The following EIF2B1 variants were observed in gnomAD, a reference collection of about 807,000 sequenced individuals.
The protein encoded by EIF2B1 is eukaryotic translation initiation factor 2B subunit alpha.
A neutral mutation model predicts 36.8 loss-of-function variants in EIF2B1; 30 were observed. That is an observed-to-expected ratio of 0.81 (90% CI 0.61 to 1.10). The LOEUF is 1.10. Among genes scored for constraint, EIF2B1 ranks in the 50% least tolerant of loss-of-function variants. The pLI is 0.00. For missense variants in EIF2B1, 271 were observed against 374.8 expected, an observed-to-expected ratio of 0.72 and a Z score of 2.29; for synonymous variants, 139 against 142.2, an observed-to-expected ratio of 0.98 and a Z score of 0.16.
chr12:123,627,696 C>CA (rs57607316), intron 4 of EIF2B1, among the ~76,000 whole-genome samples: 3,505 of 152,058 alleles, frequency 0.023, 104 homozygotes, highest in African/African-American at 0.061. Flanking sequence ...AAAATAACAA[C>CA]AAAAAAAATT....
chr12:123,626,711 T>C (rs1208041305), intron 5 of EIF2B1: 1 of 648,858 alleles, frequency 1.5e-6, no homozygotes, highest in Non-Finnish European at 2.7e-6. Flanking sequence ...GGGTAAGAGA[T>C]GTAAATTCAG....
In EIF2B1 at chr12:123,621,763, T is replaced by C; in HGVS notation, c.911A>G (p.Tyr304Cys). The change falls in exon 9 of 9, where the codon TAT (tyrosine) becomes TGT (cysteine). Residue 304 changes from tyrosine (Y) to cysteine (C), a missense_variant. Physicochemically the swap from Tyr to Cys is radical, Grantham distance 194 (BLOSUM62 -2). Coordinates refer to ENST00000424014, the MANE Select transcript of EIF2B1 (RefSeq NM_001414.4). ...CAGGAAAGGGCTCACAGGTTACAGA[T>C]AGAGCTTGATGAGCTCATCGCTGAC... ...SAVSDELIKL[Y>C]L 1.9e-6 allele frequency: 3 copies of C among 1,613,638 alleles called. No homozygotes were observed. Among genetic ancestry groups the C allele is most frequent in the South Asian group, 1.1e-5 (1 of 91,044 alleles).
At position 123,633,086 on chromosome 12, in the gene EIF2B1, C is replaced by T. The variant is rs1955213025; in HGVS notation, c.13+459G>A. On this transcript the variant is annotated intron_variant, in intron 1 of 8. Coordinates refer to ENST00000424014, the MANE Select transcript of EIF2B1 (RefSeq NM_001414.4). ...CCAGAGTCAACCATCTTGCCAATTT[C>T]TCCTGCACCCCTCCAGACAGTCTAT... Among the ~76,000 whole-genome samples the T allele has an allele frequency of 2.6e-5, 4 of 151,768 alleles. No homozygotes were observed. In the South Asian group the frequency reaches 8.3e-4, roughly 32 times the overall value.
At chr12:123,622,948 A>T (rs765066016) in intron 7 of EIF2B1, among the ~76,000 whole-genome samples, 187 bp from the exon 8 acceptor site, 15 of 152,024 alleles carry the variant, frequency 9.9e-5, no homozygotes, top group Non-Finnish European at 2.1e-4. Context: ...CGTCTCAATT[A>T]CAATAAAGGA....
At chr12:123,626,858 C>G (rs1409949029) in intron 5 of EIF2B1, 186 bp downstream of exon 5, 5 of 712,832 alleles carry the variant, frequency 7.0e-6, no homozygotes, top group African/African-American at 5.2e-5. Flanking sequence ...ACCCCTAGAT[C>G]ATATACTGCG....
In EIF2B1 at chr12:123,633,642, C is replaced by T. The variant is rs571053026; in HGVS notation, c.-85G>A. 291 of 1,586,448 alleles carry T rather than the reference C, an allele frequency of 1.8e-4. No homozygotes were observed. In the South Asian group the frequency reaches 3.0e-3, roughly 17 times the overall value. On this transcript the variant is annotated 5_prime_UTR_variant, in exon 1 of 9. Transcript: ENST00000424014. ...TCCGCCGGCCGCGCCGCCTGCGAGC[C>T]AGTCTGACAGCGCGCTGCACACCTC... is the stretch of plus-strand genomic sequence containing the variant.
At position 123,630,750 on chromosome 12, in the gene EIF2B1, C is replaced by T. The variant is rs1251834195; in HGVS notation, c.116-217G>A. On this transcript the variant is annotated intron_variant, in intron 2 of 8. Coordinates refer to ENST00000424014, the MANE Select transcript of EIF2B1 (RefSeq NM_001414.4). This position sits in a 1 kb window ranked among gnomAD's most constrained non-coding sequence, Gnocchi z 4.6. ...AGAGGAAGCGGATAGTAAACAAGCA[C>T]ACATAGAAATAAAGCTGGGTGGCTG... Among the ~76,000 whole-genome samples, 1 of 152,146 alleles carries T rather than the reference C, an allele frequency of 6.6e-6. No homozygotes were observed. The highest frequency in any genetic ancestry group is 1.5e-5 in the Non-Finnish European group (1 of 68,034).
At chr12:123,624,534 A>G (rs772309658) in intron 7 of EIF2B1, among the ~76,000 whole-genome samples, 3 of 152,192 alleles carry the variant, frequency 2.0e-5, no homozygotes, top group Non-Finnish European at 4.4e-5. Flanking sequence ...TGCTAGGATT[A>G]CAGGTATAAG....
Position 123,630,596 on chromosome 12 carries a change from C to CAATT in EIF2B1, c.116-67_116-64dup, listed in dbSNP as rs1397738195. The CAATT allele has an allele frequency of 7.5e-6, 12 of 1,597,206 alleles. No homozygotes were observed. The highest frequency in any genetic ancestry group is 1.7e-6 in the Non-Finnish European group (2 of 1,174,006). ...GGGCCACAGCCCCGACCTGTATCTT[C>CAATT]AATTCATTCATTCATTCAGTGAATA... On this transcript the variant is annotated intron_variant, in intron 2 of 8. Transcript: ENST00000424014. This position sits in a 1 kb window ranked among gnomAD's most constrained non-coding sequence, Gnocchi z 4.6.
chr12:123,630,145 C>T lies in EIF2B1; in HGVS notation c.369+24G>A. On this transcript the variant is annotated intron_variant, in intron 4 of 8. Coordinates refer to ENST00000424014, the MANE Select transcript of EIF2B1 (RefSeq NM_001414.4). The surrounding 1 kb of genome is among the most constrained non-coding windows in gnomAD (Gnocchi z 4.6). Reference sequence around the variant, plus strand: ...GACTCGAAACCGTTGCTCCTCCTTACCACCATGATGATTATCCACTCACCG... The same window carrying T: ...GACTCGAAACCGTTGCTCCTCCTTATCACCATGATGATTATCCACTCACCG... The T allele has an allele frequency of 1.2e-6, 2 of 1,606,350 alleles. No individual in the cohort carries two copies. Among genetic ancestry groups the T allele is most frequent in the East Asian group, 4.5e-5 (2 of 44,842 alleles).
Position 123,624,702 on chromosome 12 carries a change from C to G in EIF2B1, c.627+85G>C, listed in dbSNP as rs1215697178. 6 of 1,151,920 alleles carry G rather than the reference C, an allele frequency of 5.2e-6. No individual in the cohort carries two copies. The African/African-American group carries it at 7.6e-5, about 15-fold the overall frequency. 71.4% of individuals were successfully genotyped at this position (1,151,920 alleles called of 1,614,324 possible). ...GAAGTGAAGCAGGATTAGAAGGAAC[C>G]ATAATCAACACTGCTGTGGTGTCCT... On this transcript the variant is annotated intron_variant, in intron 7 of 8. Transcript: ENST00000424014.
At position 123,627,085 on chromosome 12, in the gene EIF2B1, T is replaced by G; in HGVS notation, c.441A>C (p.Arg147=). Residue 147 remains arginine (R), a synonymous_variant, in exon 5 of 9, where the codon CGA becomes CGC. Coordinates refer to ENST00000424014, the MANE Select transcript of EIF2B1 (RefSeq NM_001414.4). The part of the protein sequence containing the change: ...VLEAAVAAKK[R]FSVYVTESQP... ...GTGACTCTGTGACGTATACACTAAA[T>G]CGCTTCTTGGCCGCCACGGCTGCTT... The G allele has an allele frequency of 6.2e-7, 1 of 1,614,180 alleles. No individual in the cohort carries two copies. The highest frequency in any genetic ancestry group is 1.1e-5 in the South Asian group (1 of 91,082).
chr12:123,623,766 G>A (rs1437437624), intron 7 of EIF2B1, among the ~76,000 whole-genome samples: 2 of 151,990 alleles, frequency 1.3e-5, no homozygotes, highest in South Asian at 2.1e-4. Flanking sequence ...GAGCTACTAC[G>A]CCCGGCCTTA....
At chr12:123,631,779 C>A (rs898124656) in intron 2 of EIF2B1, among the ~76,000 whole-genome samples, 8 of 151,156 alleles carry the variant, frequency 5.3e-5, no homozygotes, top group Non-Finnish European at 8.8e-5. Context: ...TGCACTCCAG[C>A]CCGGGTGACA....
In EIF2B1 at chr12:123,620,633, CTT is replaced by C. The variant is rs1955075393; in HGVS notation, c.*1121_*1122del. On this transcript the variant is annotated 3_prime_UTR_variant, in exon 9 of 9. Transcript: ENST00000424014. ...ATATATATATATATATATATAAGCT[CTT>C]TTTTCTGAGGCTATTTTATAGTTAT... The C allele has an allele frequency of 1.2e-5, 1 of 81,360 alleles. No individual in the cohort carries two copies. Among genetic ancestry groups the C allele is most frequent in the Non-Finnish European group, 2.5e-5 (1 of 40,192 alleles). The allele number at this position is 81,360 out of a possible 1,614,324, so 5.0% of individuals were successfully genotyped here. A position where few individuals can be genotyped will look rare whatever the true frequency, so the allele number is the denominator to read the frequency against.
At chr12:123,623,141 G>A (rs1025179567) in intron 7 of EIF2B1, among the ~76,000 whole-genome samples, 5 of 152,156 alleles carry the variant, frequency 3.3e-5, no homozygotes, top group Non-Finnish European at 7.4e-5. Flanking sequence ...AGCACTTTGG[G>A]AGGCCGAGGT....
At chr12:123,626,305 G>T in intron 6 of EIF2B1, 120 bp downstream of exon 6, 1 of 1,183,666 alleles carries the variant, frequency 8.4e-7, no homozygotes, top group Non-Finnish European at 1.2e-6. Context: ...TATTAATTAA[G>T]AAGTAGGACG....
At chr12:123,625,296 C>T (rs1467546362) in intron 6 of EIF2B1, among the ~76,000 whole-genome samples, 2 of 151,900 alleles carry the variant, frequency 1.3e-5, no homozygotes, top group East Asian at 3.9e-4. Context: ...CACTCTGTTG[C>T]CCAGGCTAGA....
chr12:123,622,588 G>T, intron 8 of EIF2B1, 48 bp downstream of exon 8: 1 of 1,612,248 alleles, frequency 6.2e-7, no homozygotes, highest in South Asian at 1.1e-5. Flanking sequence ...AATTTCCAAA[G>T]GTTTCTGTTT....
Sources: gnomAD v4.1 joint callset for allele counts (sites outside exome capture counted in the v4.1 genomes callset) on GRCh38, gnomAD v4.1.1 for gene constraint, Gnocchi (gnomAD v3.1) non-coding constraint, MANE v1.5 for transcripts, NCBI Gene and HGNC (gene_info 2026-07-23, HGNC 2026-07-21) for gene names.